The following HSF5 variants were observed in gnomAD, a reference collection of about 807,000 sequenced individuals.
HSF5 encodes heat shock transcription factor 5, also known as heat shock factor protein 5.
HSF5 carries 5 observed loss-of-function variants against 50.8 expected under a neutral mutation model. That is an observed-to-expected ratio of 0.10 (90% CI 0.05 to 0.21). HSF5 has a LOEUF of 0.21. Ranked by LOEUF, HSF5 falls within the 10% of genes least tolerant of loss-of-function variation. The pLI is 1.00. For synonymous variants in HSF5, 307 were observed against 307.4 expected, an observed-to-expected ratio of 1.00 and a Z score of 0.02; for missense variants, 564 against 762.6, an observed-to-expected ratio of 0.74 and a Z score of 3.07.
intron 1 of HSF5, among the ~76,000 whole-genome samples, chr17:58,481,892 C>A (rs1975102651): frequency 6.6e-6 from 1 of 152,168 alleles, no homozygotes; most frequent in Admixed American, 6.5e-5. Flanking sequence ...CCCAGCTACT[C>A]AGGAGGCTGA....
chr17:58,468,315 T>C (rs1055937625), intron 2 of HSF5, among the ~76,000 whole-genome samples: 2 of 152,148 alleles, frequency 1.3e-5, no homozygotes, highest in Non-Finnish European at 2.9e-5. Flanking sequence ...GGAGGATCAC[T>C]TGAGCCCAGG....
intron 5 of HSF5, among the ~76,000 whole-genome samples, chr17:58,442,404 C>G (rs1974510541): frequency 6.6e-6 from 1 of 152,140 alleles, no homozygotes; most frequent in Admixed American, 6.5e-5. Context: ...AAGTGGCCAT[C>G]CTTGCCTTGT....
Position 58,463,026 on chromosome 17 carries a change from G to A in HSF5, c.1298C>T (p.Thr433Ile), listed in dbSNP as rs1316065649. Residue 433 changes from threonine to isoleucine, a missense_variant, in exon 4 of 6, where the codon ACT becomes ATT. Transcript: ENST00000323777. ...ASQASQLEPL[T>I]PVGSDIMSFV... is the part of the protein sequence containing the mutation. Reference sequence around the variant, plus strand: ...AGACATAATATCTGAGCCTACAGGAGTAAGTGGCTCCAGCTGGCTAGCCTG... The same window carrying A: ...AGACATAATATCTGAGCCTACAGGAATAAGTGGCTCCAGCTGGCTAGCCTG... The A allele has an allele frequency of 6.2e-7, 1 of 1,614,230 alleles. No individual in the cohort carries two copies. Among genetic ancestry groups the A allele is most frequent in the South Asian group, 1.1e-5 (1 of 91,080 alleles).
chr17:58,467,134 T>C (rs1342214224), intron 2 of HSF5, among the ~76,000 whole-genome samples, 155 bp from the exon 3 acceptor site: 2 of 152,240 alleles, frequency 1.3e-5, no homozygotes, highest in Non-Finnish European at 2.9e-5. Context: ...TGGTGTTATT[T>C]ATTGAAAACA....
chr17:58,432,312 G>C (rs1013194492), intron 5 of HSF5, among the ~76,000 whole-genome samples: 1 of 152,046 alleles, frequency 6.6e-6, no homozygotes, highest in Non-Finnish European at 1.5e-5. Flanking sequence ...ATAGCAAGTA[G>C]TAATAGGCAC....
intron 3 of HSF5, among the ~76,000 whole-genome samples, 183 bp downstream of exon 3, chr17:58,466,702 A>G (rs1342330017): frequency 6.6e-6 from 1 of 152,172 alleles, no homozygotes; most frequent in East Asian, 1.9e-4. Context: ...GGCCTAGAAG[A>G]ATTCTGAGAT....
At chr17:58,482,472 G>A (rs1975111403) in intron 1 of HSF5, among the ~76,000 whole-genome samples, 1 of 151,906 alleles carries the variant, frequency 6.6e-6, no homozygotes, top group East Asian at 1.9e-4. Flanking sequence ...ATTTTGGGAG[G>A]CTGAGGAGGG....
chr17:58,433,884 T>C (rs1426072908), intron 5 of HSF5, among the ~76,000 whole-genome samples: 1 of 148,608 alleles, frequency 6.7e-6, no homozygotes, highest in Admixed American at 6.7e-5. Flanking sequence ...AATAGCTACA[T>C]GGAGGTATGA....
intron 5 of HSF5, among the ~76,000 whole-genome samples, chr17:58,434,179 C>T (rs544589358): frequency 6.6e-6 from 1 of 152,076 alleles, no homozygotes; most frequent in East Asian, 1.9e-4. Context: ...TCCCAAAGTG[C>T]TGGGATTACA....
At chr17:58,430,448 G>A (rs1251403970) in intron 5 of HSF5, among the ~76,000 whole-genome samples, 1 of 152,180 alleles carries the variant, frequency 6.6e-6, no homozygotes, top group East Asian at 1.9e-4. Context: ...GACTAGGTGG[G>A]GAAGATCTGC....
chr17:58,470,046 A>G (rs1483629991), intron 2 of HSF5, among the ~76,000 whole-genome samples: 1 of 152,220 alleles, frequency 6.6e-6, no homozygotes, highest in East Asian at 1.9e-4. Flanking sequence ...AAAATACCCA[A>G]TAATATAAAT....
chr17:58,469,250 T>G (rs1020368595), intron 2 of HSF5, among the ~76,000 whole-genome samples: 1 of 152,076 alleles, frequency 6.6e-6, no homozygotes, highest in Non-Finnish European at 1.5e-5. Flanking sequence ...ATAAAAGGAT[T>G]AGCTTTATTG....
intron 4 of HSF5, among the ~76,000 whole-genome samples, chr17:58,461,629 T>C (rs1412325048): frequency 6.6e-6 from 1 of 152,192 alleles, no homozygotes; most frequent in African/African-American, 2.4e-5. Context: ...CCCAGCACTG[T>C]GGGAGGCCAA....
At chr17:58,449,763 C>T (rs1363154717) in intron 5 of HSF5, among the ~76,000 whole-genome samples, 1 of 151,458 alleles carries the variant, frequency 6.6e-6, no homozygotes, top group East Asian at 1.9e-4. Flanking sequence ...GTGGCTCACG[C>T]CTGTAATCCC....
At chr17:58,441,927 A>T (rs1340899756) in intron 5 of HSF5, among the ~76,000 whole-genome samples, 1 of 152,144 alleles carries the variant, frequency 6.6e-6, no homozygotes, top group Non-Finnish European at 1.5e-5. Context: ...CTAATACTCT[A>T]ATTTGGGTAT....
intron 5 of HSF5, among the ~76,000 whole-genome samples, chr17:58,424,952 G>C (rs1046419030): frequency 6.6e-6 from 1 of 152,208 alleles, no homozygotes; most frequent in Non-Finnish European, 1.5e-5. Context: ...ACAAAAAATA[G>C]AATGGTAGGT....
At chr17:58,469,574 T>C (rs2143791993) in intron 2 of HSF5, among the ~76,000 whole-genome samples, 1 of 152,288 alleles carries the variant, frequency 6.6e-6, no homozygotes, top group South Asian at 2.1e-4. Flanking sequence ...GTCAACAAAA[T>C]AGAACAAAGT....
At chr17:58,486,367 A>C (rs1239979115) in intron 1 of HSF5, among the ~76,000 whole-genome samples, 1 of 152,232 alleles carries the variant, frequency 6.6e-6, no homozygotes, top group Non-Finnish European at 1.5e-5. Flanking sequence ...CTCCGTCTCA[A>C]AAAAATAAAC....
chr17:58,422,961 G>T (rs1325343318), intron 5 of HSF5, among the ~76,000 whole-genome samples: 1 of 152,160 alleles, frequency 6.6e-6, no homozygotes, highest in East Asian at 1.9e-4. Flanking sequence ...CTCCCAAAGT[G>T]CTGGGATGAC....
Sources: gnomAD v4.1 joint callset for allele counts (sites outside exome capture counted in the v4.1 genomes callset) on GRCh38, gnomAD v4.1.1 for gene constraint, MANE v1.5 for transcripts, NCBI Gene and HGNC (gene_info 2026-07-23, HGNC 2026-07-21) for gene names.